Variants in ASIP observed in about 807,000 individuals in gnomAD.
ASIP encodes the protein agouti-signaling protein.
ASIP carries 11 observed loss-of-function variants against 10.3 expected under a neutral mutation model. The ratio of observed to expected loss-of-function variants is 1.07; its 90% CI spans 0.68 to 1.78. The LOEUF (loss-of-function observed/expected upper bound fraction) is 1.78, where lower values mean the gene tolerates loss of function less well. ASIP is among the 40% of genes most tolerant of loss of function. The probability of loss-of-function intolerance (pLI) is 0.00; values close to 1 mark genes in which losing one functional copy is unlikely to be tolerated. For synonymous variants in ASIP, 70 were observed against 70.8 expected (o/e 0.99, Z 0.06); for missense variants, 180 against 169.2 (o/e 1.06, Z -0.35).
intron 1 of ASIP, among the ~76,000 whole-genome samples, chr20:34,207,400 G>A (rs928237525): frequency 6.6e-6 from 1 of 152,160 alleles, no homozygotes; most frequent in African/African-American, 2.4e-5. Context: ...AAACCAGTGA[G>A]TTGAGTTCCT....
chr20:34,218,415 A>G (rs1450602370), intron 1 of ASIP, among the ~76,000 whole-genome samples: 1 of 152,186 alleles, frequency 6.6e-6, no homozygotes, highest in African/African-American at 2.4e-5. Context: ...AGAGATTGGG[A>G]AAAATATAGC....
intron 1 of ASIP, among the ~76,000 whole-genome samples, chr20:34,257,807 G>T (rs2035599229): frequency 6.6e-6 from 1 of 152,052 alleles, no homozygotes; most frequent in African/African-American, 2.4e-5. Flanking sequence ...AAATATTATT[G>T]GCACATTAGC....
upstream of ASIP, among the ~76,000 whole-genome samples, chr20:34,239,009 T>A (rs1452862711): frequency 6.6e-6 from 1 of 152,214 alleles, no homozygotes; most frequent in Non-Finnish European, 1.5e-5. Context: ...AGCTTCCTAC[T>A]CTGCCATCTT....
intron 1 of ASIP, chr20:34,246,544 C>T: frequency 1.1e-6 from 1 of 951,798 alleles, no homozygotes; most frequent in Non-Finnish European, 1.7e-6. Flanking sequence ...CAGCTCACTG[C>T]AACCTCTGCC....
intron 1 of ASIP, among the ~76,000 whole-genome samples, chr20:34,203,046 G>T (rs1160290414): frequency 1.3e-5 from 2 of 151,772 alleles, no homozygotes; most frequent in Non-Finnish European, 2.9e-5. Context: ...CTGACCTCAT[G>T]ATCTGCCTGC....
the ASIP span, among the ~76,000 whole-genome samples, chr20:34,186,848 T>G: frequency 3.9e-5 from 6 of 152,298 alleles, no homozygotes; most frequent in South Asian, 6.2e-4. Context: ...GGAGTCTCGC[T>G]CTGTTGCCAG....
chr20:34,256,402 G>A (rs1186948855), intron 1 of ASIP, among the ~76,000 whole-genome samples: 1 of 152,040 alleles, frequency 6.6e-6, no homozygotes, highest in African/African-American at 2.4e-5. Context: ...ACGATCTCTC[G>A]TCTCCACACA....
intron 1 of ASIP, chr20:34,214,347 A>G: frequency 2.3e-6 from 3 of 1,308,584 alleles, no homozygotes; most frequent in Non-Finnish European, 3.3e-6. Flanking sequence ...ATATCTAACA[A>G]CAGTTTCGAA....
At chr20:34,189,439 T>C in the ASIP span, among the ~76,000 whole-genome samples, 2 of 151,944 alleles carry the variant, frequency 1.3e-5, no homozygotes, top group Admixed American at 1.3e-4. Flanking sequence ...ACGGGGTTTC[T>C]CCATGTTGGT....
At chr20:34,216,574 T>G (rs559146769) in intron 1 of ASIP, among the ~76,000 whole-genome samples, 1 of 152,234 alleles carries the variant, frequency 6.6e-6, no homozygotes, top group African/African-American at 2.4e-5. Context: ...TTAATGTAGG[T>G]CTATGATCCA....
At chr20:34,251,066 C>G (rs977048596) in intron 1 of ASIP, among the ~76,000 whole-genome samples, 10 of 152,118 alleles carry the variant, frequency 6.6e-5, no homozygotes, top group Non-Finnish European at 1.5e-4. Flanking sequence ...TTGCACTGGA[C>G]CTGTACAAAC....
chr20:34,260,582 AG>A (rs768674586), intron 2 of ASIP, 48 bp downstream of exon 2: 15 of 1,539,108 alleles, frequency 9.7e-6, no homozygotes, highest in Non-Finnish European at 1.3e-5. Flanking sequence ...GGGCTGCAGG[AG>A]ATCAAGCATG....
At chr20:34,210,175 C>G (rs949767420) in intron 1 of ASIP, among the ~76,000 whole-genome samples, 5 of 152,224 alleles carry the variant, frequency 3.3e-5, no homozygotes, top group Admixed American at 2.0e-4. Context: ...AATGGTGGGA[C>G]TAAAAGAGGT....
chr20:34,260,320 T>C (rs780302338), intron 1 of ASIP, 45 bp from the exon 2 acceptor site: 1 of 1,563,292 alleles, frequency 6.4e-7, no homozygotes, highest in East Asian at 2.3e-5. Flanking sequence ...CCTCTTACCA[T>C]TACCCCTGAC....
intron 1 of ASIP, among the ~76,000 whole-genome samples, chr20:34,224,544 C>T (rs2122569461): frequency 6.6e-6 from 1 of 152,228 alleles, no homozygotes; most frequent in South Asian, 2.1e-4. Context: ...AACATGCATA[C>T]ATTTTCTTAA....
upstream of ASIP, among the ~76,000 whole-genome samples, chr20:34,191,270 A>T (rs996690016): frequency 3.9e-5 from 6 of 152,174 alleles, no homozygotes; most frequent in African/African-American, 1.4e-4. Flanking sequence ...GAGCTTACAC[A>T]TACTGGGGGG....
intron 1 of ASIP, among the ~76,000 whole-genome samples, chr20:34,235,408 C>T (rs2035167171): frequency 6.6e-6 from 1 of 152,156 alleles, no homozygotes; most frequent in Admixed American, 6.5e-5. Context: ...CCATTGCACT[C>T]CAGCCTGGGT....
At chr20:34,223,466 G>A (rs553977246) in intron 1 of ASIP, among the ~76,000 whole-genome samples, 29 of 150,918 alleles carry the variant, frequency 1.9e-4, no homozygotes, top group South Asian at 1.7e-3. Context: ...GAGCGTCTCC[G>A]CCCGGCAGCC....
intron 2 of ASIP, among the ~76,000 whole-genome samples, chr20:34,261,253 T>C (rs2035684377): frequency 6.6e-6 from 1 of 152,180 alleles, no homozygotes; most frequent in Admixed American, 6.5e-5. Context: ...ATCCCAGCAC[T>C]TTGGGAAGCT....
Sources: gnomAD v4.1 joint callset for allele counts (sites outside exome capture counted in the v4.1 genomes callset) on GRCh38, gnomAD v4.1.1 for gene constraint, MANE v1.5 for transcripts, NCBI Gene and HGNC (gene_info 2026-07-23, HGNC 2026-07-21) for gene names.